Variants in SRRM4 observed in about 807,000 individuals in gnomAD.
The protein encoded by SRRM4 is serine/arginine repetitive matrix protein 4.
Under a neutral mutation model 68.9 loss-of-function variants are expected in SRRM4, and 33 were observed. That is an observed-to-expected ratio of 0.48 (90% confidence interval 0.36 to 0.64). The LOEUF (loss-of-function observed/expected upper bound fraction) is 0.64. SRRM4 is among the 30% of genes least tolerant of loss of function. The pLI is 0.00. For synonymous variants in SRRM4, 318 were observed against 318.8 expected, an observed-to-expected ratio of 1.00 and a Z score of 0.03; for missense variants, 817 against 827.1, an observed-to-expected ratio of 0.99 and a Z score of 0.15.
chr12:119,089,756 A>G (rs1468505043), intron 1 of SRRM4, among the ~76,000 whole-genome samples: 1 of 152,038 alleles, frequency 6.6e-6, no homozygotes, highest in African/African-American at 2.4e-5. Flanking sequence ...TATCATCATC[A>G]TCATCATCAT....
intron 2 of SRRM4, among the ~76,000 whole-genome samples, chr12:119,107,768 A>G (rs1340037135): frequency 6.6e-6 from 1 of 152,166 alleles, no homozygotes; most frequent in Non-Finnish European, 1.5e-5. Flanking sequence ...TCAAAAAACC[A>G]GCTCCTGGAT....
intron 1 of SRRM4, among the ~76,000 whole-genome samples, chr12:119,071,019 G>A (rs1953874835): frequency 6.6e-6 from 1 of 152,148 alleles, no homozygotes; most frequent in East Asian, 1.9e-4. Flanking sequence ...TCTCCCACGG[G>A]GGCTTAGGTG....
intron 7 of SRRM4, among the ~76,000 whole-genome samples, chr12:119,129,918 T>C (rs545051078): frequency 6.7e-6 from 1 of 148,582 alleles, no homozygotes; most frequent in South Asian, 2.1e-4. Flanking sequence ...GATGGATGGA[T>C]GGTTAGATGG....
intron 1 of SRRM4, among the ~76,000 whole-genome samples, chr12:119,098,354 A>T (rs1954057557): frequency 6.6e-6 from 1 of 152,254 alleles, no homozygotes; most frequent in Admixed American, 6.5e-5. Flanking sequence ...AGACTGAGGC[A>T]TTGGCTGAGT....
chr12:119,125,516 C>G (rs752684548), intron 7 of SRRM4, 37 bp downstream of exon 7: 10 of 1,572,514 alleles, frequency 6.4e-6, no homozygotes, highest in African/African-American at 1.3e-5. Flanking sequence ...CTGTCAGCCA[C>G]AGCCGAGCCC....
intron 9 of SRRM4, among the ~76,000 whole-genome samples, chr12:119,148,978 G>C (rs1954421266): frequency 6.6e-6 from 1 of 152,174 alleles, no homozygotes; most frequent in Admixed American, 6.5e-5. Flanking sequence ...GAGCTGCACA[G>C]ATCAAGGTTT....
At position 119,116,949 on chromosome 12, in the gene SRRM4, T is replaced by C. The variant is rs2136049709; in HGVS notation, c.378T>C (p.Tyr126=). The change falls in exon 4 of 13, where the codon TAT becomes TAC. Residue 126 remains tyrosine, a synonymous_variant. Coordinates refer to ENST00000267260, the MANE Select transcript of SRRM4 (RefSeq NM_194286.4). The stretch of plus-strand genomic sequence containing the variant: ...TTGGCCCTGGCAGGTCCTCATCCTA[T>C]AGCCCATCGCCTGTCAAGAAAAAGA... The part of the protein sequence containing the change: ...TRKKRRRSSS[Y]SPSPVKKKKK... 6.2e-7 allele frequency: 1 copy of C among 1,613,692 alleles called. No individual in the cohort carries two copies. Among genetic ancestry groups the C allele is most frequent in the South Asian group, 1.1e-5 (1 of 91,062 alleles).
chr12:119,081,394 TGTTCTAG>T (rs1280179199), intron 1 of SRRM4, among the ~76,000 whole-genome samples: 2 of 151,846 alleles, frequency 1.3e-5, no homozygotes, highest in Non-Finnish European at 1.5e-5. Context: ...GGAGAAAGAG[TGTTCTAG>T]GCAGTGGGAA....
intron 1 of SRRM4, among the ~76,000 whole-genome samples, chr12:119,060,984 C>G (rs530833168): frequency 1.3e-5 from 2 of 152,294 alleles, no homozygotes; most frequent in African/African-American, 4.8e-5. Context: ...CTGTAGGACA[C>G]TGGAGTGTTA....
chr12:118,999,503 T>C (rs1014119921), intron 1 of SRRM4, among the ~76,000 whole-genome samples: 2 of 152,236 alleles, frequency 1.3e-5, no homozygotes, highest in Non-Finnish European at 2.9e-5. Context: ...CATTGGCATA[T>C]TGCATTTAAA....
In SRRM4 at chr12:119,162,926, G is replaced by A. The variant is rs1435998039; in HGVS notation, c.*6128G>A. On this transcript the variant is annotated 3_prime_UTR_variant, in exon 13 of 13. Coordinates refer to ENST00000267260, the MANE Select transcript of SRRM4 (RefSeq NM_194286.4). The stretch of plus-strand genomic sequence containing the variant: ...ACCCTGTCCTCTGCCCAGTGACACA[G>A]CAGCCATGGCTAGCTTGATTTCTGG... 1 of 152,262 alleles carries A rather than the reference G, an allele frequency of 6.6e-6. No homozygotes were observed. Among genetic ancestry groups the A allele is most frequent in the African/African-American group, 2.4e-5 (1 of 41,468 alleles). 9.4% of individuals were successfully genotyped at this position (152,262 alleles called of 1,614,324 possible). A position where few individuals can be genotyped will look rare whatever the true frequency, so the allele number is the denominator to read the frequency against.
intron 9 of SRRM4, among the ~76,000 whole-genome samples, chr12:119,148,795 T>C (rs1954419955): frequency 6.6e-6 from 1 of 152,232 alleles, no homozygotes; most frequent in Non-Finnish European, 1.5e-5. Context: ...GACCCAGCCT[T>C]TCACTTTGAA....
At chr12:118,988,186 T>A (rs568606948) in intron 1 of SRRM4, among the ~76,000 whole-genome samples, 4 of 152,096 alleles carry the variant, frequency 2.6e-5, no homozygotes, top group Admixed American at 6.5e-5. Flanking sequence ...TTGCTTATAG[T>A]CACACAGTTA....
intron 1 of SRRM4, among the ~76,000 whole-genome samples, chr12:119,074,303 C>CATATATATTA (rs1241524204): frequency 2.0e-5 from 3 of 152,122 alleles, no homozygotes; most frequent in African/African-American, 7.2e-5. Context: ...CCATAAATAG[C>CATATATATTA]TCCAAATAAT....
At chr12:119,072,624 G>GATGGAGATA (rs3076248) in intron 1 of SRRM4, among the ~76,000 whole-genome samples, 2 of 151,390 alleles carry the variant, frequency 1.3e-5, no homozygotes, top group Non-Finnish European at 3.0e-5. Flanking sequence ...TTTACCCGCA[G>GATGGAGATA]ATTGAACAGA....
chr12:119,068,826 G>T (rs1953861230), intron 1 of SRRM4, among the ~76,000 whole-genome samples: 1 of 152,106 alleles, frequency 6.6e-6, no homozygotes, highest in African/African-American at 2.4e-5. Context: ...AGAGGCGGGG[G>T]ATGGCAAGGA....
chr12:119,139,470 T>G (rs1049533528), intron 8 of SRRM4, among the ~76,000 whole-genome samples: 4 of 152,214 alleles, frequency 2.6e-5, no homozygotes, highest in Non-Finnish European at 5.9e-5. Flanking sequence ...ATGATGACTT[T>G]GTGAAAATGC....
At chr12:119,122,403 C>T (rs549411175) in intron 6 of SRRM4, among the ~76,000 whole-genome samples, 33 of 151,852 alleles carry the variant, frequency 2.2e-4, no homozygotes, top group Admixed American at 1.3e-3. Context: ...ATGAATGCAC[C>T]GGGTCGTGTG....
intron 7 of SRRM4, among the ~76,000 whole-genome samples, chr12:119,129,620 G>A (rs895660852): frequency 6.6e-6 from 1 of 152,204 alleles, no homozygotes; most frequent in Non-Finnish European, 1.5e-5. Flanking sequence ...GTACACAAGT[G>A]ACATTAAACT....
Sources: gnomAD v4.1 joint callset for allele counts (sites outside exome capture counted in the v4.1 genomes callset) on GRCh38, gnomAD v4.1.1 for gene constraint, MANE v1.5 for transcripts, NCBI Gene and HGNC (gene_info 2026-07-23, HGNC 2026-07-21) for gene names.